The following KIF26B variants were observed in gnomAD, a reference collection of about 807,000 sequenced individuals.
KIF26B encodes kinesin family member 26B, also known as kinesin-like protein KIF26B.
Under a neutral mutation model 151.2 loss-of-function variants are expected in KIF26B, and 63 were observed. That is an observed-to-expected ratio of 0.42 (90% CI 0.34 to 0.51). The LOEUF is 0.51. KIF26B is among the 20% of genes least tolerant of loss of function. The pLI is 0.07. For missense variants in KIF26B, 2,813 were observed against 2,913.6 expected, an observed-to-expected ratio of 0.97 and a Z score of 0.79; for synonymous variants, 1,357 against 1,262.1, an observed-to-expected ratio of 1.08 and a Z score of -1.59.
intron 2 of KIF26B, among the ~76,000 whole-genome samples, chr1:245,187,917 G>T (rs1216531944): frequency 6.6e-6 from 1 of 152,130 alleles, no homozygotes; most frequent in African/African-American, 2.4e-5. Context: ...TTATTTTTCT[G>T]ATCTTGAGGA....
intron 2 of KIF26B, among the ~76,000 whole-genome samples, chr1:245,236,628 A>G (rs1411335988): frequency 6.6e-6 from 1 of 152,172 alleles, no homozygotes; most frequent in East Asian, 1.9e-4. Context: ...TCTTGAAGCA[A>G]ATTTTATAAT....
intron 4 of KIF26B, among the ~76,000 whole-genome samples, chr1:245,470,756 G>C (rs1348679277): frequency 6.6e-6 from 1 of 152,056 alleles, no homozygotes; most frequent in Non-Finnish European, 1.5e-5. Context: ...TCTTTGCTCT[G>C]TGTCTCCTGA....
chr1:245,273,366 C>T (rs1309907391), intron 2 of KIF26B, among the ~76,000 whole-genome samples: 2 of 148,930 alleles, frequency 1.3e-5, no homozygotes, highest in Admixed American at 1.4e-4. Flanking sequence ...TGCAGTGAGC[C>T]GAGATAGTGC....
intron 9 of KIF26B, among the ~76,000 whole-genome samples, chr1:245,614,597 C>T (rs940727187): frequency 2.0e-5 from 3 of 152,224 alleles, no homozygotes; most frequent in Non-Finnish European, 4.4e-5. Flanking sequence ...CTCTGAAAAT[C>T]AGCCCTGAGC....
rs967894151 is a variant in KIF26B, at chr1:245,179,369, A to G, written c.465+22686A>G. Among the ~76,000 whole-genome samples, 7 of 152,302 alleles carry G rather than the reference A, an allele frequency of 4.6e-5. No individual in the cohort carries two copies. The East Asian group carries it at 1.4e-3, about 29-fold the overall frequency. On this transcript the variant is annotated intron_variant, in intron 2 of 14. Transcript: ENST00000407071. ...CCGGGCGCAGTGGCTCATGCCTGTA[A>G]TCCTAGTTCTTTGGGAGGCTGAGGC...
chr1:245,607,379 C>T (rs371388171), intron 6 of KIF26B, among the ~76,000 whole-genome samples: 1 of 152,212 alleles, frequency 6.6e-6, no homozygotes, highest in African/African-American at 2.4e-5. Context: ...CCAGCCTGCT[C>T]CTGCCTGCTC....
intron 2 of KIF26B, among the ~76,000 whole-genome samples, chr1:245,290,331 A>G (rs536250809): frequency 6.6e-6 from 1 of 152,364 alleles, no homozygotes; most frequent in South Asian, 2.1e-4. Flanking sequence ...TATGCAAGAA[A>G]GAATTCTAGA....
rs566898509 is a variant in KIF26B at position 245,687,633 on chromosome 1, G to A, written c.4650G>A (p.Pro1550=). 56 of 1,566,660 alleles carry A rather than the reference G, an allele frequency of 3.6e-5. No individual in the cohort carries two copies. Among genetic ancestry groups the A allele is most frequent in the Admixed American group, 9.4e-5 (5 of 53,358 alleles). The part of the protein sequence containing the change: ...AFQKASRQEE[P]DSLSYYCAAE... ...AGAAGGCCAGCCGGCAGGAGGAGCC[G>A]GACAGCCTCTCCTATTACTGCGCTG... The change falls in exon 12 of 15, where the codon CCG becomes CCA. Residue 1550 remains proline (P), a synonymous_variant. Coordinates refer to ENST00000407071, the MANE Select transcript of KIF26B (RefSeq NM_018012.4). The surrounding 1 kb of genome is among the most constrained non-coding windows in gnomAD (Gnocchi z 4.9).
intron 5 of KIF26B, among the ~76,000 whole-genome samples, chr1:245,581,663 A>C (rs1430112085): frequency 1.3e-5 from 2 of 152,094 alleles, no homozygotes; most frequent in African/African-American, 2.4e-5. Context: ...TTAAATGGGG[A>C]GGGAGGAGGT....
intron 4 of KIF26B, among the ~76,000 whole-genome samples, chr1:245,431,478 G>A (rs1458735527): frequency 6.6e-6 from 1 of 151,238 alleles, no homozygotes; most frequent in Non-Finnish European, 1.5e-5. Flanking sequence ...CCAAGTAGCT[G>A]GGATTACAGG....
chr1:245,193,757 TC>T (rs1669148278), intron 2 of KIF26B, among the ~76,000 whole-genome samples: 4 of 152,214 alleles, frequency 2.6e-5, no homozygotes. Context: ...GAGTCATCTG[TC>T]GCCAGAGCGT....
chr1:245,192,867 A>G (rs1246906734), intron 2 of KIF26B, among the ~76,000 whole-genome samples: 1 of 149,656 alleles, frequency 6.7e-6, no homozygotes, highest in Non-Finnish European at 1.5e-5. Context: ...CCATCACCTC[A>G]ATAGTGAACA....
At chr1:245,171,658 C>G (rs1485185125) in intron 2 of KIF26B, among the ~76,000 whole-genome samples, 2 of 152,168 alleles carry the variant, frequency 1.3e-5, no homozygotes, top group African/African-American at 4.8e-5. Context: ...TCAGCATATT[C>G]TTTTAAATTA....
chr1:245,273,614 G>A (rs1422840470), intron 2 of KIF26B, among the ~76,000 whole-genome samples: 1 of 152,040 alleles, frequency 6.6e-6, no homozygotes, highest in Admixed American at 6.6e-5. Context: ...ATTAAATAAT[G>A]TTGTTTCTGG....
chr1:245,514,120 T>A (rs1660898120), intron 4 of KIF26B, among the ~76,000 whole-genome samples: 1 of 152,180 alleles, frequency 6.6e-6, no homozygotes, highest in South Asian at 2.1e-4. Context: ...AAAAAGTATG[T>A]AAGATAATAC....
intron 5 of KIF26B, among the ~76,000 whole-genome samples, chr1:245,582,551 C>G (rs2043186187): frequency 6.6e-6 from 1 of 151,964 alleles, no homozygotes; most frequent in Non-Finnish European, 1.5e-5. Context: ...ATAAAACTTG[C>G]AAAGCAACCA....
At chr1:245,691,149 G>A (rs1337176208) in intron 12 of KIF26B, among the ~76,000 whole-genome samples, 1 of 152,190 alleles carries the variant, frequency 6.6e-6, no homozygotes, top group Non-Finnish European at 1.5e-5. Flanking sequence ...GCTTTCACAG[G>A]TTTTTGTTTT....
At chr1:245,566,615 G>A (rs2043012097) in intron 5 of KIF26B, among the ~76,000 whole-genome samples, 1 of 152,150 alleles carries the variant, frequency 6.6e-6, no homozygotes, top group Admixed American at 6.5e-5. Context: ...AAGCTTTCAA[G>A]CGCAACATGT....
rs201038043 is a variant in KIF26B at position 245,687,440 on chromosome 1, C to T, written c.4457C>T (p.Pro1486Leu). 5 of 1,588,498 alleles carry T rather than the reference C, an allele frequency of 3.1e-6. No homozygotes were observed. Among genetic ancestry groups the T allele is most frequent in the East Asian group, 2.3e-5 (1 of 43,546 alleles). ...AEQEQDGKPS[P>L]GDRLSSSSGE... ...CAGGAGCAGGACGGAAAGCCCAGTC[C>T]GGGAGACAGGCTCAGCAGCAGCAGC... Residue 1486 changes from proline (P) to leucine (L), a missense_variant, in exon 12 of 15, where the codon CCG becomes CTG. Physicochemically the swap from Pro to Leu is moderately conservative, Grantham distance 98. This residue lies in a region of KIF26B where 2,060 missense variants were observed against 2,088.6 expected (regional missense o/e 0.99). Transcript: ENST00000407071. This position sits in a 1 kb window ranked among gnomAD's most constrained non-coding sequence, Gnocchi z 4.9.
Sources: allele counts gnomAD v4.1 joint callset (sites outside exome capture counted in the v4.1 genomes callset), GRCh38; gene constraint gnomAD v4.1.1; regional missense constraint gnomAD v4.1.1; non-coding constraint Gnocchi (gnomAD v3.1); transcripts MANE v1.5; gene names NCBI Gene and HGNC (gene_info 2026-07-23, HGNC 2026-07-21).